The following DIAPH3 variants were observed in gnomAD, a reference collection of about 807,000 sequenced individuals.
DIAPH3 encodes protein diaphanous homolog 3.
DIAPH3 carries 117 observed loss-of-function variants against 144.3 expected under a neutral mutation model. The ratio of observed to expected loss-of-function variants is 0.81; its 90% CI spans 0.70 to 0.95. DIAPH3 has a LOEUF of 0.95. Ranked by LOEUF, DIAPH3 falls within the 40% of genes least tolerant of loss-of-function variation. The pLI, the probability that DIAPH3 is intolerant of heterozygous loss-of-function variation, is 0.00. For synonymous variants in DIAPH3, 519 were observed against 488.9 expected (o/e 1.06, Z -0.81); for missense variants, 1,421 against 1,412.7 (o/e 1.01, Z -0.09).
At chr13:59,828,461 G>T (rs1405791482) in intron 24 of DIAPH3, among the ~76,000 whole-genome samples, 2 of 151,772 alleles carry the variant, frequency 1.3e-5, no homozygotes, top group East Asian at 1.9e-4. Flanking sequence ...TACAACCTTG[G>T]CTTTTCTTGC....
chr13:60,102,765 A>G (rs1238513352), intron 3 of DIAPH3, among the ~76,000 whole-genome samples: 1 of 152,204 alleles, frequency 6.6e-6, no homozygotes, highest in African/African-American at 2.4e-5. Flanking sequence ...CAGAGTCAAT[A>G]TAACGACTGA....
At chr13:60,117,807 C>A (rs925686110) in intron 2 of DIAPH3, among the ~76,000 whole-genome samples, 18 of 152,008 alleles carry the variant, frequency 1.2e-4, no homozygotes, top group Admixed American at 1.1e-3. Flanking sequence ...CTAATATTGA[C>A]CATAAGTTGG....
intron 25 of DIAPH3, among the ~76,000 whole-genome samples, chr13:59,809,293 G>A (rs1451330331): frequency 6.6e-6 from 1 of 152,150 alleles, no homozygotes; most frequent in African/African-American, 2.4e-5. Context: ...CCTGAGGTCA[G>A]GAGTTAAAGA....
At chr13:59,998,445 A>C (rs931793516) in intron 9 of DIAPH3, among the ~76,000 whole-genome samples, 1 of 152,172 alleles carries the variant, frequency 6.6e-6, no homozygotes, top group African/African-American at 2.4e-5. Context: ...AGCATAGCCC[A>C]GTACCTAGCA....
At chr13:60,124,684 C>A (rs747171300) in intron 2 of DIAPH3, among the ~76,000 whole-genome samples, 2 of 151,866 alleles carry the variant, frequency 1.3e-5, no homozygotes, top group African/African-American at 4.8e-5. Context: ...GAAACCCCAT[C>A]GCTACAAAAA....
rs1477496110 is a variant in DIAPH3 at position 59,810,893 on chromosome 13, CTCT to C, written c.3055_3057del (p.Arg1019del). 1 of 1,600,326 alleles carries C rather than the reference CTCT, an allele frequency of 6.2e-7. No individual in the cohort carries two copies. On this transcript the variant is annotated inframe_deletion, in exon 25 of 28. Coordinates refer to ENST00000400324, the MANE Select transcript of DIAPH3 (RefSeq NM_001042517.2). Reference sequence around the variant, plus strand: ...ACACGTTTTTCTTTTTCCTCTGCTTCTCTTTTTTTGATATTCTCCTTTATTGCT... The same window carrying C: ...ACACGTTTTTCTTTTTCCTCTGCTTCTTTTTTGATATTCTCCTTTATTGCT...
chr13:59,874,905 T>C (rs1045056946), intron 21 of DIAPH3, among the ~76,000 whole-genome samples: 1 of 152,150 alleles, frequency 6.6e-6, no homozygotes, highest in African/African-American at 2.4e-5. Flanking sequence ...TATTAGACAT[T>C]AGTAAACATT....
At chr13:60,133,118 C>T in intron 1 of DIAPH3, 129 bp from the exon 2 acceptor site, 3 of 654,322 alleles carry the variant, frequency 4.6e-6, no homozygotes, top group Middle Eastern at 4.1e-4. Flanking sequence ...CCAATAAAAA[C>T]ACATTATATA....
At position 59,879,458 on chromosome 13, in the gene DIAPH3, A is replaced by C. The variant is rs1399290066; in HGVS notation, c.2378T>G (p.Val793Gly). ...ACTGAGCCGTGGCCGTAGTCTCTTCACATTGCTCATCTGATTGAAAAGAAA... is the reference window on the plus strand; with the variant it reads ...ACTGAGCCGTGGCCGTAGTCTCTTCCCATTGCTCATCTGATTGAAAAGAAA... Reference protein sequence around the residue: ...PEQFVVVMSNVKRLRPRLSAI... With the variant: ...PEQFVVVMSNGKRLRPRLSAI... The change falls in exon 21 of 28, where the codon GTG (valine) becomes GGG (glycine). Residue 793 changes from valine (V) to glycine (G), a missense_variant. By Grantham distance (109) the Val-to-Gly change is moderately radical. Coordinates refer to ENST00000400324, the MANE Select transcript of DIAPH3 (RefSeq NM_001042517.2). 6.2e-7 allele frequency: 1 copy of C among 1,613,722 alleles called. No individual in the cohort carries two copies. The highest frequency in any genetic ancestry group is 1.1e-5 in the South Asian group (1 of 91,080).
At chr13:59,911,612 T>C (rs937290532) in intron 20 of DIAPH3, 123 bp downstream of exon 20, 6 of 742,466 alleles carry the variant, frequency 8.1e-6, no homozygotes, top group Admixed American at 7.0e-5. Flanking sequence ...TAAAAAAAAG[T>C]AAGATGGATA....
intron 12 of DIAPH3, among the ~76,000 whole-genome samples, chr13:59,990,138 A>G (rs1039876244): frequency 6.6e-6 from 1 of 151,926 alleles, no homozygotes; most frequent in Non-Finnish European, 1.5e-5. Flanking sequence ...GGAGCAAATT[A>G]AAAAAATCAG....
chr13:59,980,097 A>C lies in DIAPH3; in HGVS notation c.1545+698T>G, dbSNP rs184689979. ...ATGTCTGATTTTTCAAAACTCAAAA[A>C]AATTGCAATCTCAGGCATAAATGGG... is the stretch of plus-strand genomic sequence containing the variant. On this transcript the variant is annotated intron_variant, in intron 14 of 27. Transcript: ENST00000400324. Among the ~76,000 whole-genome samples, 104 of 151,704 alleles carry C rather than the reference A, an allele frequency of 6.9e-4. 1 individual carries two copies. The highest frequency in any genetic ancestry group is 6.8e-3 in the Middle Eastern group (2 of 294).
At chr13:59,957,583 T>G (rs1328266426) in intron 17 of DIAPH3, among the ~76,000 whole-genome samples, 1 of 152,192 alleles carries the variant, frequency 6.6e-6, no homozygotes, top group Non-Finnish European at 1.5e-5. Flanking sequence ...ATAGTTACCA[T>G]GCAGAAGCTG....
At chr13:59,911,408 T>C (rs1180165182) in intron 20 of DIAPH3, among the ~76,000 whole-genome samples, 2 of 152,230 alleles carry the variant, frequency 1.3e-5, no homozygotes, top group East Asian at 1.9e-4. Context: ...TATGTTGGAA[T>C]ACACAGCTCT....
chr13:60,149,787 A>G (rs1383559293), intron 1 of DIAPH3, among the ~76,000 whole-genome samples: 1 of 151,322 alleles, frequency 6.6e-6, no homozygotes, highest in Non-Finnish European at 1.5e-5. Context: ...AAAAGAAAAT[A>G]ATAAGCTAAC....
chr13:60,123,878 TAAA>T (rs2058913403), intron 2 of DIAPH3, among the ~76,000 whole-genome samples: 1 of 152,244 alleles, frequency 6.6e-6, no homozygotes, highest in African/African-American at 2.4e-5. Context: ...AAAACTATCT[TAAA>T]TAATTCTAGG....
chr13:60,065,845 T>C (rs947266205), intron 4 of DIAPH3, among the ~76,000 whole-genome samples: 4 of 152,172 alleles, frequency 2.6e-5, no homozygotes, highest in African/African-American at 4.8e-5. Context: ...ATGTTTCTAA[T>C]TTTGAATGGA....
intron 1 of DIAPH3, among the ~76,000 whole-genome samples, chr13:60,141,655 C>T (rs913065610): frequency 2.0e-5 from 3 of 152,178 alleles, no homozygotes; most frequent in Non-Finnish European, 2.9e-5. Flanking sequence ...CATGCAACAA[C>T]TGTTAATTAA....
chr13:59,678,995 G>T (rs1338788339), intron 27 of DIAPH3, among the ~76,000 whole-genome samples: 1 of 152,158 alleles, frequency 6.6e-6, no homozygotes, highest in Non-Finnish European at 1.5e-5. Flanking sequence ...TTGGATCAAT[G>T]ATTTGGGTGC....
Sources: allele counts gnomAD v4.1 joint callset (sites outside exome capture counted in the v4.1 genomes callset), GRCh38; gene constraint gnomAD v4.1.1; transcripts MANE v1.5; gene names NCBI Gene and HGNC (gene_info 2026-07-23, HGNC 2026-07-21).